ANKRD36: variants seen among roughly 807,000 people sequenced by gnomAD.
ANKRD36 encodes the protein ankyrin repeat domain-containing protein 36A.
Under a neutral mutation model 278.1 loss-of-function variants are expected in ANKRD36, and 179 were observed. That is an observed-to-expected ratio of 0.64 (90% CI 0.57 to 0.73). The LOEUF is 0.73. Among genes scored for constraint, ANKRD36 ranks in the 30% least tolerant of loss-of-function variants. The probability of loss-of-function intolerance (pLI) is 0.00; values close to 1 mark genes in which losing one functional copy is unlikely to be tolerated. For synonymous variants in ANKRD36, 320 were observed against 641.1 expected, an observed-to-expected ratio of 0.50 and a Z score of 7.57; for missense variants, 1,159 against 1,956.7, an observed-to-expected ratio of 0.59 and a Z score of 7.69.
chr2:97,164,747 G>T, intron 20 of ANKRD36, among the ~76,000 whole-genome samples: 1 of 152,426 alleles, frequency 6.6e-6, no homozygotes, highest in African/African-American at 2.4e-5. Flanking sequence ...ATTTGAGGAG[G>T]TGTATTTTGA....
intron 67 of ANKRD36, among the ~76,000 whole-genome samples, chr2:97,231,245 G>A (rs7569302): frequency 0.026 from 3,954 of 151,846 alleles, 82 homozygotes; most frequent in African/African-American, 0.091. Context: ...GCCCCCAGAG[G>A]TGGAGCCTAC....
At chr2:97,199,779 T>A (rs575837932) in intron 44 of ANKRD36, among the ~76,000 whole-genome samples, 1 of 152,004 alleles carries the variant, frequency 6.6e-6, no homozygotes, top group East Asian at 2.0e-4. Context: ...TATTATGTAC[T>A]AGGTATCAGC....
chr2:97,220,243 C>G (rs2067044766), intron 66 of ANKRD36, among the ~76,000 whole-genome samples: 1 of 149,294 alleles, frequency 6.7e-6, no homozygotes, highest in African/African-American at 2.5e-5. Flanking sequence ...TTTGTGCTAT[C>G]TTTTCATTTG....
At chr2:97,219,128 C>T (rs1407034910) in intron 65 of ANKRD36, 46 bp from the exon 66 acceptor site, 1 of 1,544,314 alleles carries the variant, frequency 6.5e-7, no homozygotes, top group Non-Finnish European at 8.7e-7. Flanking sequence ...ATAACCTATA[C>T]CAATATACAT....
chr2:97,195,567 A>G (rs1228502411), intron 40 of ANKRD36, among the ~76,000 whole-genome samples: 2 of 152,074 alleles, frequency 1.3e-5, no homozygotes, highest in East Asian at 2.0e-4. Flanking sequence ...ATGACTCATT[A>G]CTCCTCTTTG....
intron 14 of ANKRD36, among the ~76,000 whole-genome samples, chr2:97,153,997 C>T (rs1437252226): frequency 4.0e-5 from 6 of 148,824 alleles, no homozygotes; most frequent in Non-Finnish European, 6.1e-5. Context: ...TATATAATGA[C>T]AATAATTGGA....
rs2034307054 is a variant in ANKRD36 at position 97,113,922 on chromosome 2, A to G, written c.183A>G (p.Arg61=). 1 of 1,612,370 alleles carries G rather than the reference A, an allele frequency of 6.2e-7. No individual in the cohort carries two copies. The highest frequency in any genetic ancestry group is 1.3e-5 in the African/African-American group (1 of 74,840). The change falls in exon 1 of 76, where the codon AGA becomes AGG. Residue 61 remains arginine, a synonymous_variant. Transcript: ENST00000420699. Reference sequence around the variant, plus strand: ...TCACGTATTATGACGCCAATAAGAGAGACAGGAAGGAAAGGTAATGGGGGC... The same window carrying G: ...TCACGTATTATGACGCCAATAAGAGGGACAGGAAGGAAAGGTAATGGGGGC... The part of the protein sequence containing the change: ...LLLTYYDANK[R]DRKERTALHL...
intron 67 of ANKRD36, among the ~76,000 whole-genome samples, chr2:97,232,097 T>A (rs1374199662): frequency 1.3e-5 from 2 of 152,086 alleles, no homozygotes; most frequent in African/African-American, 2.4e-5. Context: ...TTAGTTACAA[T>A]CCAGTGATTT....
chr2:97,211,593 A>G lies in ANKRD36; in HGVS notation c.3396+19A>G, dbSNP rs771284810. 3 of 1,606,876 alleles carry G rather than the reference A, an allele frequency of 1.9e-6. No homozygotes were observed. Among genetic ancestry groups the G allele is most frequent in the Admixed American group, 3.4e-5 (2 of 59,554 alleles). On this transcript the variant is annotated intron_variant, in intron 57 of 75. Transcript: ENST00000420699. ...ATTGAAGGTAATTAAGCTCTCATTT[A>G]TATTTTGAACTATTAACTGTATAGT...
At chr2:97,242,829 T>G (rs1289158653) in intron 69 of ANKRD36, among the ~76,000 whole-genome samples, 1 of 116,012 alleles carries the variant, frequency 8.6e-6, no homozygotes, top group Non-Finnish European at 1.8e-5. Context: ...ATCTTGTAAC[T>G]TTACTGAATA....
chr2:97,141,228 C>CAT lies in ANKRD36; in HGVS notation c.800-1399_800-1398dup, dbSNP rs200637762. ...CTACCAATATTCTTGGCAATCATGA[C>CAT]ATATATATATATATTTACATATATA... On this transcript the variant is annotated intron_variant, in intron 6 of 75. Coordinates refer to ENST00000420699, the MANE Select transcript of ANKRD36 (RefSeq NM_001354587.1). 7.9e-3 allele frequency among the ~76,000 whole-genome samples: 1,169 copies of CAT among 148,332 alleles called. 52 individuals are homozygous for CAT. The East Asian group carries it at 0.11, about 14-fold the overall frequency.
rs780847692 is a variant in ANKRD36 at position 97,179,742 on chromosome 2, T to G, written c.1638T>G (p.Ser546=). ...TGTATCCCTTTTGCTTTTCAGTGTC[T>G]TCTCAGAAACAACCAGCTGAGAAGG... ...RKDSPPPGKV[S]SQKQPAEKAT... Residue 546 remains serine (S), a synonymous_variant, in exon 23 of 76, where the codon TCT becomes TCG. Coordinates refer to ENST00000420699, the MANE Select transcript of ANKRD36 (RefSeq NM_001354587.1). The G allele has an allele frequency of 6.3e-7, 1 of 1,593,762 alleles. No homozygotes were observed. The highest frequency in any genetic ancestry group is 8.5e-7 in the Non-Finnish European group (1 of 1,177,388).
At chr2:97,153,087 C>A (rs1203739146) in intron 14 of ANKRD36, among the ~76,000 whole-genome samples, 1 of 152,298 alleles carries the variant, frequency 6.6e-6, no homozygotes, top group East Asian at 1.9e-4. Context: ...AAGACCAGGC[C>A]AGTCCTAGAA....
Position 97,123,010 on chromosome 2 carries a change from T to A in ANKRD36, c.593+17T>A. ...TCTTGGCAGGTACAGACCTTAGTTC[T>A]TATTGTGTCGTTTTTAAACCTGAGT... On this transcript the variant is annotated intron_variant, in intron 4 of 75. Coordinates refer to ENST00000420699, the MANE Select transcript of ANKRD36 (RefSeq NM_001354587.1). 1 of 1,506,960 alleles carries A rather than the reference T, an allele frequency of 6.6e-7. No individual in the cohort carries two copies. Among genetic ancestry groups the A allele is most frequent in the Non-Finnish European group, 8.9e-7 (1 of 1,123,838 alleles). The allele number at this position is 1,506,960 out of a possible 1,614,324, so 93.3% of individuals were successfully genotyped here.
chr2:97,208,526 G>T (rs1337729273), intron 54 of ANKRD36, among the ~76,000 whole-genome samples: 1 of 146,228 alleles, frequency 6.8e-6, no homozygotes, highest in Non-Finnish European at 1.5e-5. Flanking sequence ...TTCTGCTGAG[G>T]AAACCTGAGT....
At chr2:97,242,619 T>C (rs1443118486) in intron 69 of ANKRD36, among the ~76,000 whole-genome samples, 3 of 145,104 alleles carry the variant, frequency 2.1e-5, no homozygotes, top group African/African-American at 5.3e-5. Context: ...TCTGCTGATA[T>C]ATGTTTCATA....
Position 97,220,998 on chromosome 2 carries a change from A to G in ANKRD36, c.3877+1752A>G, listed in dbSNP as rs1277158061. Among the ~76,000 whole-genome samples the G allele has an allele frequency of 1.6e-4, 15 of 95,642 alleles. No individual in the cohort carries two copies. The East Asian group carries it at 5.1e-3, about 32-fold the overall frequency. 62.7% of individuals were successfully genotyped at this position (95,642 alleles called of 152,430 possible). A position where few individuals can be genotyped will look rare whatever the true frequency, so the allele number is the denominator to read the frequency against. ...TGTGTCCATGTGATCTCATTGTTCA[A>G]TTCCCACCTATGAGTGAGAATATGC... On this transcript the variant is annotated intron_variant, in intron 66 of 75. Coordinates refer to ENST00000420699, the MANE Select transcript of ANKRD36 (RefSeq NM_001354587.1).
Position 97,206,960 on chromosome 2 carries a change from C to T in ANKRD36, c.3163+825C>T, listed in dbSNP as rs541295338. Among the ~76,000 whole-genome samples the T allele has an allele frequency of 5.3e-5, 8 of 151,546 alleles. No homozygotes were observed. In the South Asian group the frequency reaches 1.7e-3, roughly 32 times the overall value. On this transcript the variant is annotated intron_variant, in intron 52 of 75. Transcript: ENST00000420699. ...GAACAACATGATACTCCCAAGAAGG[C>T]TATTTTAGAAACAAAAATTATGCTG...
chr2:97,230,358 A>T (rs2071509874), intron 67 of ANKRD36, among the ~76,000 whole-genome samples: 1 of 151,784 alleles, frequency 6.6e-6, no homozygotes, highest in East Asian at 2.0e-4. Flanking sequence ...TTTTTCTCTC[A>T]ACTTCCCTTC....
Sources: gnomAD v4.1 joint callset for allele counts (sites outside exome capture counted in the v4.1 genomes callset) on GRCh38, gnomAD v4.1.1 for gene constraint, MANE v1.5 for transcripts, NCBI Gene and HGNC (gene_info 2026-07-23, HGNC 2026-07-21) for gene names.